FMNL2: variants seen among roughly 807,000 people sequenced by gnomAD.
FMNL2 encodes formin like 2.
In FMNL2, 51 loss-of-function variants were observed where a neutral mutation model predicts 130.2. The ratio of observed to expected loss-of-function variants is 0.39; its 90% CI spans 0.31 to 0.49. The LOEUF is 0.49. Ranked by LOEUF, FMNL2 falls within the 20% of genes least tolerant of loss-of-function variation. FMNL2 has a pLI of 0.85. For synonymous variants in FMNL2, 465 were observed against 467.1 expected, an observed-to-expected ratio of 1.00 and a Z score of 0.06; for missense variants, 977 against 1,316.2, an observed-to-expected ratio of 0.74 and a Z score of 3.99.
Position 152,649,245 on chromosome 2 carries a change from A to G in FMNL2, c.*1340A>G, listed in dbSNP as rs1421045887. On this transcript the variant is annotated 3_prime_UTR_variant, in exon 26 of 26. Coordinates refer to ENST00000288670, the MANE Select transcript of FMNL2 (RefSeq NM_052905.4). The stretch of plus-strand genomic sequence containing the variant: ...TTTAAATGTACAGATATTTTGCTAT[A>G]AAATCGGTGCAGTTTTTTATGGTTT... 1 of 152,628 alleles carries G rather than the reference A, an allele frequency of 6.6e-6. No individual in the cohort carries two copies. The highest frequency in any genetic ancestry group is 1.5e-5 in the Non-Finnish European group (1 of 68,050). 9.5% of individuals were successfully genotyped at this position (152,628 alleles called of 1,614,324 possible). A position where few individuals can be genotyped will look rare whatever the true frequency, so the allele number is the denominator to read the frequency against.
intron 2 of FMNL2, among the ~76,000 whole-genome samples, chr2:152,532,381 G>A (rs963283306): frequency 1.4e-4 from 21 of 152,258 alleles, no homozygotes; most frequent in African/African-American, 5.1e-4. Context: ...TACCAGCGAT[G>A]TAATAGCGTC....
At chr2:152,617,837 C>G (rs2105890208) in intron 13 of FMNL2, among the ~76,000 whole-genome samples, 1 of 152,262 alleles carries the variant, frequency 6.6e-6, no homozygotes, top group African/African-American at 2.4e-5. Context: ...AGGCAAATGG[C>G]TTGCCTTTAC....
intron 1 of FMNL2, among the ~76,000 whole-genome samples, chr2:152,414,128 T>G (rs931913061): frequency 6.6e-6 from 1 of 152,198 alleles, no homozygotes; most frequent in Non-Finnish European, 1.5e-5. Flanking sequence ...CCTTTTTGAC[T>G]TTGGATTAGG....
intron 1 of FMNL2, among the ~76,000 whole-genome samples, chr2:152,427,584 T>C (rs991691508): frequency 6.6e-6 from 1 of 152,108 alleles, no homozygotes; most frequent in Non-Finnish European, 1.5e-5. Flanking sequence ...TTTTGTTGTT[T>C]TAATTTCCAT....
At chr2:152,359,481 C>CTTTTTT (rs10694393) in intron 1 of FMNL2, among the ~76,000 whole-genome samples, 1 of 73,056 alleles carries the variant, frequency 1.4e-5, no homozygotes, top group Non-Finnish European at 3.7e-5. Context: ...AAGAGGTAGC[C>CTTTTTT]TTTTTTTTTT....
At chr2:152,572,084 T>G (rs1553479246) in intron 6 of FMNL2, among the ~76,000 whole-genome samples, 1 of 152,196 alleles carries the variant, frequency 6.6e-6, no homozygotes, top group Non-Finnish European at 1.5e-5. Context: ...CTAATGATAT[T>G]TGGTTCTTCA....
chr2:152,479,245 A>C (rs928906584), intron 1 of FMNL2, among the ~76,000 whole-genome samples: 22 of 150,626 alleles, frequency 1.5e-4, no homozygotes, highest in African/African-American at 5.5e-4. Flanking sequence ...TGCCTCAGCC[A>C]ATCCTCCTGC....
chr2:152,602,829 C>T (rs1698154233), intron 9 of FMNL2, among the ~76,000 whole-genome samples: 2 of 152,146 alleles, frequency 1.3e-5, no homozygotes, highest in South Asian at 4.1e-4. Context: ...CTGAAAATAA[C>T]TGAAAATTAG....
chr2:152,473,472 T>C (rs1689964330), intron 1 of FMNL2, among the ~76,000 whole-genome samples: 1 of 152,218 alleles, frequency 6.6e-6, no homozygotes, highest in African/African-American at 2.4e-5. Context: ...TTCTGTTCAC[T>C]CTTTCCAGGG....
intron 1 of FMNL2, among the ~76,000 whole-genome samples, chr2:152,344,262 C>A (rs948684359): frequency 6.6e-6 from 1 of 152,134 alleles, no homozygotes. Flanking sequence ...TTTAAAAGCT[C>A]CCTAGAAGGT....
intron 1 of FMNL2, among the ~76,000 whole-genome samples, chr2:152,388,098 C>G (rs1332053472): frequency 1.3e-5 from 2 of 152,110 alleles, no homozygotes; most frequent in African/African-American, 4.8e-5. Flanking sequence ...AATTCTTGCT[C>G]TGTTTATTTT....
chr2:152,510,700 TA>T (rs1382783006), intron 1 of FMNL2, among the ~76,000 whole-genome samples: 1 of 152,190 alleles, frequency 6.6e-6, no homozygotes, highest in Non-Finnish European at 1.5e-5. Flanking sequence ...AGCCAAAAGC[TA>T]AGTGGCAGGC....
intron 1 of FMNL2, among the ~76,000 whole-genome samples, chr2:152,503,306 G>A (rs1380131444): frequency 6.6e-6 from 1 of 152,132 alleles, no homozygotes; most frequent in African/African-American, 2.4e-5. Flanking sequence ...CTATAGGAGT[G>A]AAGTAGGGGA....
intron 1 of FMNL2, among the ~76,000 whole-genome samples, chr2:152,350,160 C>A (rs1682395697): frequency 6.6e-6 from 1 of 152,100 alleles, no homozygotes; most frequent in Non-Finnish European, 1.5e-5. Flanking sequence ...GAGCAGGCAG[C>A]TAGTGTGATC....
chr2:152,647,151 T>A (rs1391644124), intron 25 of FMNL2, among the ~76,000 whole-genome samples: 2 of 152,178 alleles, frequency 1.3e-5, no homozygotes, highest in Non-Finnish European at 2.9e-5. Context: ...GGTTCAAGTC[T>A]GGCCTGGACA....
chr2:152,634,620 A>G (rs941154258), intron 21 of FMNL2, among the ~76,000 whole-genome samples: 1 of 152,202 alleles, frequency 6.6e-6, no homozygotes, highest in Non-Finnish European at 1.5e-5. Context: ...CCCTGCAAAA[A>G]GTTGTCGAGA....
At chr2:152,617,227 C>T (rs375589359) in intron 13 of FMNL2, 35 bp downstream of exon 13, 30 of 1,581,816 alleles carry the variant, frequency 1.9e-5, no homozygotes, top group East Asian at 2.2e-5. Flanking sequence ...CAGATGGGCA[C>T]GGTAGGGAAT....
At chr2:152,531,911 G>A (rs1260061798) in intron 2 of FMNL2, among the ~76,000 whole-genome samples, 4 of 152,182 alleles carry the variant, frequency 2.6e-5, no homozygotes, top group Non-Finnish European at 5.9e-5. Flanking sequence ...ATGTGGTTTA[G>A]GGGTGAGGGT....
intron 9 of FMNL2, among the ~76,000 whole-genome samples, chr2:152,587,939 A>G (rs921377700): frequency 3.9e-5 from 6 of 152,214 alleles, no homozygotes; most frequent in Non-Finnish European, 8.8e-5. Context: ...ATGCTCTGCA[A>G]AGAAGAGGAA....
Sources: gnomAD v4.1 joint callset for allele counts (sites outside exome capture counted in the v4.1 genomes callset) on GRCh38, gnomAD v4.1.1 for gene constraint, MANE v1.5 for transcripts, NCBI Gene and HGNC (gene_info 2026-07-23, HGNC 2026-07-21) for gene names.